Variants in STARD13 observed in about 807,000 individuals in gnomAD.
STARD13 encodes the protein stAR-related lipid transfer protein 13.
In STARD13, 62 loss-of-function variants were observed where a neutral mutation model predicts 106.4. The ratio of observed to expected loss-of-function variants is 0.58; its 90% CI spans 0.48 to 0.72. The LOEUF is 0.72. Ranked by LOEUF, STARD13 falls within the 30% of genes least tolerant of loss-of-function variation. STARD13 has a pLI of 0.00. For synonymous variants in STARD13, 565 were observed against 553.0 expected, an observed-to-expected ratio of 1.02 and a Z score of -0.31; for missense variants, 1,387 against 1,424.0, an observed-to-expected ratio of 0.97 and a Z score of 0.42.
At chr13:33,286,465 C>G (rs543030937), upstream of STARD13, among the ~76,000 whole-genome samples, 15 of 152,254 alleles carry the variant, frequency 9.9e-5, no homozygotes, top group Middle Eastern at 3.4e-3. Flanking sequence ...TTAGAAGGTG[C>G]CTATCACATT....
At chr13:33,247,447 C>T (rs182178296) in intron 1 of STARD13, among the ~76,000 whole-genome samples, 2 of 150,874 alleles carry the variant, frequency 1.3e-5, no homozygotes, top group African/African-American at 4.9e-5. Flanking sequence ...TCTGCAATGC[C>T]GTCGCCAGGA....
the STARD13 span, among the ~76,000 whole-genome samples, chr13:33,469,098 A>G: frequency 6.6e-6 from 1 of 152,238 alleles, no homozygotes; most frequent in Admixed American, 6.5e-5. Flanking sequence ...ATACATGCTT[A>G]CTATGCATCA....
At chr13:33,610,686 T>G in the STARD13 span, among the ~76,000 whole-genome samples, 10 of 152,358 alleles carry the variant, frequency 6.6e-5, no homozygotes, top group Middle Eastern at 6.8e-3. Flanking sequence ...GGGCACTCAC[T>G]GGGGCTGGTG....
chr13:33,207,705 G>A lies in STARD13; in HGVS notation c.170-40083C>T, dbSNP rs1733773286. Among the ~76,000 whole-genome samples the A allele has an allele frequency of 2.6e-5, 4 of 152,178 alleles. No individual in the cohort carries two copies. The South Asian group carries it at 8.3e-4, about 32-fold the overall frequency. ...ACAATGAACTTGAGTCAAGAACCAGGATGTCTGTAAACATCCCTTTAATGA... is the reference window on the plus strand; with the variant it reads ...ACAATGAACTTGAGTCAAGAACCAGAATGTCTGTAAACATCCCTTTAATGA... On this transcript the variant is annotated intron_variant, in intron 1 of 13. Transcript: ENST00000336934.
At chr13:33,532,850 A>G in the STARD13 span, among the ~76,000 whole-genome samples, 3 of 152,150 alleles carry the variant, frequency 2.0e-5, no homozygotes, top group African/African-American at 7.2e-5. Flanking sequence ...TAAGATGATT[A>G]CTGTATTTCC....
intron 1 of STARD13, among the ~76,000 whole-genome samples, chr13:33,323,865 T>A (rs1893647687): frequency 6.6e-6 from 1 of 152,184 alleles, no homozygotes; most frequent in South Asian, 2.1e-4. Context: ...TTGGTCTGGT[T>A]TCACAGTCTC....
chr13:33,453,303 G>C, the STARD13 span, among the ~76,000 whole-genome samples: 3 of 152,170 alleles, frequency 2.0e-5, no homozygotes, highest in Non-Finnish European at 2.9e-5. Flanking sequence ...TTGTTCAGCT[G>C]AATATACGCC....
At chr13:33,638,751 T>A in the STARD13 span, among the ~76,000 whole-genome samples, 1 of 152,176 alleles carries the variant, frequency 6.6e-6, no homozygotes, top group African/African-American at 2.4e-5. Context: ...TCGCAGTACG[T>A]CCTGAACTAG....
the STARD13 span, among the ~76,000 whole-genome samples, chr13:33,450,920 T>C: frequency 6.6e-6 from 1 of 152,204 alleles, no homozygotes; most frequent in African/African-American, 2.4e-5. Flanking sequence ...TCTTGCTCTG[T>C]CCCCCAGGCT....
At chr13:33,327,043 C>T (rs1448096478) in intron 1 of STARD13, among the ~76,000 whole-genome samples, 1 of 152,176 alleles carries the variant, frequency 6.6e-6, no homozygotes, top group Non-Finnish European at 1.5e-5. Context: ...ACAAGTGTGC[C>T]TGGCACATGG....
At chr13:33,206,197 G>A (rs185679320) in intron 1 of STARD13, 2 of 171,620 alleles carry the variant, frequency 1.2e-5, no homozygotes, top group East Asian at 1.9e-4. Context: ...AAACCAAGGG[G>A]GGTGCTCCTT....
the STARD13 span, among the ~76,000 whole-genome samples, chr13:33,676,376 G>A: frequency 2.0e-5 from 3 of 152,166 alleles, no homozygotes; most frequent in African/African-American, 7.2e-5. Flanking sequence ...TAAGCATACT[G>A]ATTTACAGAG....
At chr13:33,567,382 C>T in the STARD13 span, among the ~76,000 whole-genome samples, 1 of 148,396 alleles carries the variant, frequency 6.7e-6, no homozygotes, top group Admixed American at 6.9e-5. Context: ...CTTACACCAA[C>T]TAAAACAGTA....
intron 12 of STARD13, among the ~76,000 whole-genome samples, 167 bp downstream of exon 12, chr13:33,109,706 C>T (rs183654346): frequency 1.9e-3 from 283 of 152,282 alleles, no homozygotes; most frequent in Non-Finnish European, 1.7e-3. Context: ...CACAGGAAGT[C>T]GGGCATCGAC....
the STARD13 span, among the ~76,000 whole-genome samples, chr13:33,564,277 T>C: frequency 7.6e-6 from 1 of 131,490 alleles, no homozygotes; most frequent in Admixed American, 7.9e-5. Context: ...AAATGGCCAA[T>C]AGGTATATTT....
the STARD13 span, among the ~76,000 whole-genome samples, chr13:33,655,515 C>T: frequency 2.0e-4 from 30 of 152,276 alleles, no homozygotes; most frequent in African/African-American, 6.7e-4. Flanking sequence ...CAGTCCATTC[C>T]AGTCCTAATC....
At chr13:33,482,133 T>C in the STARD13 span, among the ~76,000 whole-genome samples, 1 of 152,192 alleles carries the variant, frequency 6.6e-6, no homozygotes, top group African/African-American at 2.4e-5. Context: ...TATACTACAA[T>C]TTTACTGATG....
chr13:33,335,590 G>C (rs902728265), intron 1 of STARD13, among the ~76,000 whole-genome samples: 1 of 152,240 alleles, frequency 6.6e-6, no homozygotes, highest in Admixed American at 6.5e-5. Flanking sequence ...TCCCAGCCTT[G>C]GAGGTCTCTT....
upstream of STARD13, among the ~76,000 whole-genome samples, chr13:33,287,247 C>T (rs375624138): frequency 1.3e-3 from 205 of 152,328 alleles, 2 homozygotes; most frequent in African/African-American, 4.7e-3. Flanking sequence ...TAAGCCTTAA[C>T]AACTTTCCCT....
Sources: allele counts gnomAD v4.1 joint callset (sites outside exome capture counted in the v4.1 genomes callset), GRCh38; gene constraint gnomAD v4.1.1; transcripts MANE v1.5; gene names NCBI Gene and HGNC (gene_info 2026-07-23, HGNC 2026-07-21).